Variants in ZNF582 observed in about 807,000 individuals in gnomAD.
ZNF582 encodes the protein zinc finger protein 582.
In ZNF582, 14 loss-of-function variants were observed where a neutral mutation model predicts 12.3. That is an observed-to-expected ratio of 1.14 (90% CI 0.75 to 1.78). The LOEUF is 1.78. Ranked by LOEUF, ZNF582 falls within the 40% of genes most tolerant of loss-of-function variation. The pLI, the probability that ZNF582 is intolerant of heterozygous loss-of-function variation, is 0.00. For missense variants in ZNF582, 567 were observed against 616.5 expected, an observed-to-expected ratio of 0.92 and a Z score of 0.85; for synonymous variants, 210 against 207.2, an observed-to-expected ratio of 1.01 and a Z score of -0.11.
chr19:56,393,140 T>TTA, intron 1 of ZNF582, 80 bp downstream of exon 1: 1 of 993,136 alleles, frequency 1.0e-6, no homozygotes, highest in Non-Finnish European at 1.3e-6. Flanking sequence ...CCTCTCAGAT[T>TTA]AAAAAAAAAA....
chr19:56,392,926 T>C (rs532788452), intron 1 of ZNF582, among the ~76,000 whole-genome samples: 1 of 152,184 alleles, frequency 6.6e-6, no homozygotes. Context: ...TTCCTTATTA[T>C]GACCACTTTT....
At chr19:56,385,920 C>G (rs8110950) in intron 4 of ZNF582, among the ~76,000 whole-genome samples, 78,625 of 151,966 alleles carry the variant, frequency 0.52, 21,292 homozygotes, top group East Asian at 0.76. Flanking sequence ...TCATTAATAG[C>G]ACATTTTAAA....
At chr19:56,384,780 G>C in exon 5 of ZNF582, 1 of 1,595,626 alleles carries the variant, frequency 6.3e-7, no homozygotes, top group Non-Finnish European at 8.5e-7. Context: ...TGAATTAGTC[G>C]TGAGCCATAT....
Position 56,384,127 on chromosome 19 carries a change from C to T in ZNF582, c.1290G>A (p.Lys430=), listed in dbSNP as rs12978696. The T allele has an allele frequency of 0.13, 213,904 of 1,612,336 alleles. 15,257 individuals are homozygous for T. The highest frequency in any genetic ancestry group is 0.3 in the East Asian group (13,521 of 44,840). ...TCAATTGTGAGCAATGACTAAAAGCCTTCCCACATTCCTTACATTCATATG... is the reference window on the plus strand; with the variant it reads ...TCAATTGTGAGCAATGACTAAAAGCTTTCCCACATTCCTTACATTCATATG... The change falls in exon 5 of 5, where the codon AAG becomes AAA. Residue 430 remains lysine (K), a synonymous_variant. Coordinates refer to ENST00000586929, the Ensembl canonical transcript of ZNF582.
At chr19:56,393,510 C>G (rs769956075) in exon 1 of ZNF582, 1 of 501,200 alleles carries the variant, frequency 2.0e-6, no homozygotes, top group South Asian at 1.5e-5. Flanking sequence ...GCTTCCACCA[C>G]GGTACCGGTG....
chr19:56,383,971 T>C (rs370501694), exon 5 of ZNF582: 2 of 1,613,928 alleles, frequency 1.2e-6, no homozygotes, highest in Non-Finnish European at 1.7e-6. Flanking sequence ...TTTCTACATT[T>C]ATTATATTCA....
chr19:56,388,254 T>G (rs2041984949), intron 4 of ZNF582: 1 of 152,164 alleles, frequency 6.6e-6, no homozygotes, highest in East Asian at 1.9e-4. Flanking sequence ...TAATAATCTG[T>G]TACAGGATAA....
intron 1 of ZNF582, 112 bp from the exon 2 acceptor site, chr19:56,391,944 A>AG: frequency 2.3e-6 from 2 of 887,572 alleles, no homozygotes; most frequent in South Asian, 1.6e-5. Context: ...AATGAGAAGG[A>AG]GGGGGAGGCA....
intron 2 of ZNF582, 22 bp from the exon 3 acceptor site, chr19:56,390,523 A>C: frequency 6.2e-7 from 1 of 1,613,500 alleles, no homozygotes; most frequent in African/African-American, 1.3e-5. Flanking sequence ...GGCATGTATG[A>C]TATATATGTA....
intron 3 of ZNF582, 126 bp from the exon 4 acceptor site, chr19:56,390,222 T>C (rs2042003635): frequency 4.4e-6 from 6 of 1,359,168 alleles, no homozygotes; most frequent in Admixed American, 1.8e-5. Flanking sequence ...GACAGTTGCC[T>C]GGGGGTAGGG....
chr19:56,388,660 T>C (rs1015250704), intron 4 of ZNF582, among the ~76,000 whole-genome samples: 12 of 151,596 alleles, frequency 7.9e-5, no homozygotes, highest in African/African-American at 2.9e-4. Context: ...TGAGACAGAG[T>C]CTCTCTCTGT....
At chr19:56,389,138 T>G (rs916261451) in intron 4 of ZNF582, among the ~76,000 whole-genome samples, 5 of 152,240 alleles carry the variant, frequency 3.3e-5, no homozygotes, top group African/African-American at 1.2e-4. Flanking sequence ...CTGTTCTTTT[T>G]CTTTCACATA....
intron 4 of ZNF582, among the ~76,000 whole-genome samples, chr19:56,385,807 C>T (rs561860598): frequency 4.6e-5 from 7 of 151,986 alleles, no homozygotes; most frequent in African/African-American, 1.4e-4. Context: ...ATTGGTTTGA[C>T]GGACTGTGCA....
exon 5 of ZNF582, chr19:56,384,217 A>C: frequency 1.2e-6 from 2 of 1,613,662 alleles, no homozygotes; most frequent in Admixed American, 1.7e-5. Flanking sequence ...AGGCCCTACC[A>C]CATACCTTAC....
chr19:56,385,777 G>A (rs913229084), intron 4 of ZNF582, among the ~76,000 whole-genome samples: 1 of 152,114 alleles, frequency 6.6e-6, no homozygotes, highest in African/African-American at 2.4e-5. Context: ...AATATAGAGT[G>A]ACAGAAACCA....
At chr19:56,391,822 C>T (rs779648469) in exon 2 of ZNF582, 11 of 1,613,932 alleles carry the variant, frequency 6.8e-6, no homozygotes, top group Admixed American at 6.7e-5. Flanking sequence ...CAGAGTCCTG[C>T]GACGGTAGAG....
chr19:56,384,949 T>C (rs1211481883), exon 5 of ZNF582: 1 of 1,614,164 alleles, frequency 6.2e-7, no homozygotes. Flanking sequence ...AAGTAAGGGA[T>C]GCATGCTGGT....
intron 1 of ZNF582, among the ~76,000 whole-genome samples, chr19:56,393,001 A>G (rs1216660001): frequency 6.6e-6 from 1 of 152,210 alleles, no homozygotes; most frequent in Non-Finnish European, 1.5e-5. Flanking sequence ...GATCCACTCA[A>G]GTGTTTCCCC....
intron 4 of ZNF582, 45 bp downstream of exon 4, chr19:56,389,956 T>C: frequency 2.6e-6 from 4 of 1,526,444 alleles, no homozygotes; most frequent in Admixed American, 1.7e-5. Flanking sequence ...CCAGCGGACC[T>C]GATACCTGCA....
Sources: gnomAD v4.1 joint callset for allele counts (sites outside exome capture counted in the v4.1 genomes callset) on GRCh38, gnomAD v4.1.1 for gene constraint, MANE v1.5 for transcripts, NCBI Gene and HGNC (gene_info 2026-07-23, HGNC 2026-07-21) for gene names.